PTPN3: variants seen among roughly 807,000 people sequenced by gnomAD.
The protein encoded by PTPN3 is protein tyrosine phosphatase non-receptor type 3.
A neutral mutation model predicts 132.7 loss-of-function variants in PTPN3; 96 were observed. The observed-to-expected ratio is 0.72, with a 90% CI of 0.61 to 0.86. PTPN3 has a LOEUF of 0.86. Ranked by LOEUF, PTPN3 falls within the 40% of genes least tolerant of loss-of-function variation. The probability of loss-of-function intolerance (pLI) is 0.00; values close to 1 mark genes in which losing one functional copy is unlikely to be tolerated. For synonymous variants in PTPN3, 398 were observed against 429.0 expected, an observed-to-expected ratio of 0.93 and a Z score of 0.89; for missense variants, 1,125 against 1,159.6, an observed-to-expected ratio of 0.97 and a Z score of 0.43.
intron 11 of PTPN3, 63 bp downstream of exon 11, chr9:109,428,558 C>T (rs573529838): frequency 6.5e-7 from 1 of 1,544,358 alleles, no homozygotes; most frequent in Admixed American, 1.8e-5. Context: ...ATAGCGAGAC[C>T]CTGTCTCTAA....
At chr9:109,409,861 A>AC in intron 16 of PTPN3, 138 bp downstream of exon 16, 1 of 1,388,838 alleles carries the variant, frequency 7.2e-7, no homozygotes. Flanking sequence ...AACAAAAAAA[A>AC]CCCCCAACTC....
intron 17 of PTPN3, 61 bp from the exon 18 acceptor site, chr9:109,406,679 C>G (rs561152516): frequency 1.3e-6 from 2 of 1,586,394 alleles, no homozygotes; most frequent in Non-Finnish European, 1.7e-6. Flanking sequence ...GGGGGAAGAA[C>G]GCTGACTCGC....
rs1838561149 is a variant in PTPN3, at chr9:109,376,369, C to A, written c.*3187G>T. ...AATGCTCATTTCTGAGGTACCCCCC[C>A]CAGAAAAAGGTCAGGTAGCAACACA... On this transcript the variant is annotated 3_prime_UTR_variant, in exon 26 of 26. Transcript: ENST00000374541. 1.3e-5 allele frequency: 2 copies of A among 152,084 alleles called. No individual in the cohort carries two copies. Among genetic ancestry groups the A allele is most frequent in the Admixed American group, 1.3e-4 (2 of 15,260 alleles). The allele number at this position is 152,084 out of a possible 1,614,324, so 9.4% of individuals were successfully genotyped here. A position where few individuals can be genotyped will look rare whatever the true frequency, so the allele number is the denominator to read the frequency against.
chr9:109,379,564 G>A lies in PTPN3; in HGVS notation c.2734C>T (p.Pro912Ser), dbSNP rs1276734659. The change falls in exon 26 of 26, where the codon CCT (proline) becomes TCT (serine). Residue 912 changes from proline (P) to serine (S), a missense_variant. Coordinates refer to ENST00000374541, the MANE Select transcript of PTPN3 (RefSeq NM_002829.4). ...YEEGLVQMLD[P>S]S ...ACTTTTTCACAGTTGTCTTAACTAG[G>A]ATCCAGCATTTGGACTAAACCTTCT... is the stretch of plus-strand genomic sequence containing the variant. 2 of 1,613,288 alleles carry A rather than the reference G, an allele frequency of 1.2e-6. No homozygotes were observed. The highest frequency in any genetic ancestry group is 2.2e-5 in the South Asian group (2 of 91,052).
Position 109,422,830 on chromosome 9 carries a change from T to C in PTPN3, c.1024A>G (p.Lys342Glu), listed in dbSNP as rs1266263961. Residue 342 changes from lysine (K) to glutamate (E), a missense_variant, in exon 13 of 26, where the codon AAA becomes GAA. Transcript: ENST00000374541. ...CACACCATCCCGCCAATCACCTTTTTGCAATATTGGTTATTTACCGACCTG... is the reference window on the plus strand; with the variant it reads ...CACACCATCCCGCCAATCACCTTTTCGCAATATTGGTTATTTACCGACCTG... ...TKKSVNNQYC[K>E]KVIGGMVWNP... The C allele has an allele frequency of 6.2e-7, 1 of 1,613,588 alleles. No individual in the cohort carries two copies. Among genetic ancestry groups the C allele is most frequent in the Non-Finnish European group, 8.5e-7 (1 of 1,179,498 alleles).
chr9:109,428,589 G>GA lies in PTPN3; in HGVS notation c.828+31dup, dbSNP rs577594494. On this transcript the variant is annotated intron_variant, in intron 11 of 25. Coordinates refer to ENST00000374541, the MANE Select transcript of PTPN3 (RefSeq NM_002829.4). Reference sequence around the variant, plus strand: ...TCTAACCACACACATACATATGCACGAAACAAAGCAAGCAAAGACATAACT... The same window carrying GA: ...TCTAACCACACACATACATATGCACGAAAACAAAGCAAGCAAAGACATAACT... 95 of 1,605,746 alleles carry GA rather than the reference G, an allele frequency of 5.9e-5. No individual in the cohort carries two copies. The Admixed American group carries it at 1.6e-3, about 26-fold the overall frequency.
rs774111449 is a variant in PTPN3, at chr9:109,420,520, A to T, written c.1217T>A (p.Ile406Asn). Residue 406 changes from isoleucine (I) to asparagine (N), a missense_variant, in exon 14 of 26, where the codon ATC becomes AAC. Physicochemically the swap from Ile to Asn is moderately radical, Grantham distance 149 (BLOSUM62 -3). Coordinates refer to ENST00000374541, the MANE Select transcript of PTPN3 (RefSeq NM_002829.4). The stretch of plus-strand genomic sequence containing the variant: ...GTAAAATACATCTTCCGTTTCCGTG[A>T]TGTAGGTCATTTCATTTGCAAGGTT... ...ADNLANEMTY[I>N]TETEDVFYTY... 1 of 1,613,468 alleles carries T rather than the reference A, an allele frequency of 6.2e-7. No homozygotes were observed. Among genetic ancestry groups the T allele is most frequent in the Non-Finnish European group, 8.5e-7 (1 of 1,179,904 alleles).
chr9:109,408,305 G>A lies in PTPN3; in HGVS notation c.1635+16C>T. ...ACAAACAAACACGAGGAATAACATG[G>A]AATGTATTTACTTACAGGTGACTCT... On this transcript the variant is annotated intron_variant, in intron 17 of 25. Coordinates refer to ENST00000374541, the MANE Select transcript of PTPN3 (RefSeq NM_002829.4). 6.5e-7 allele frequency: 1 copy of A among 1,531,524 alleles called. No homozygotes were observed. The highest frequency in any genetic ancestry group is 1.3e-5 in the South Asian group (1 of 79,356). The allele number at this position is 1,531,524 out of a possible 1,614,324, so 94.9% of individuals were successfully genotyped here.
At chr9:109,535,973 T>C in the PTPN3 span, among the ~76,000 whole-genome samples, 1 of 152,070 alleles carries the variant, frequency 6.6e-6, no homozygotes, top group Non-Finnish European at 1.5e-5. Context: ...TGCAGAGCAT[T>C]TTCACCACCC....
the PTPN3 span, among the ~76,000 whole-genome samples, chr9:109,531,851 G>A: frequency 2.3e-5 from 1 of 44,358 alleles, no homozygotes; most frequent in East Asian, 8.5e-4. Flanking sequence ...TGATTGACTT[G>A]GAGGTTAAAA....
intron 19 of PTPN3, among the ~76,000 whole-genome samples, chr9:109,396,583 T>G (rs1840616325): frequency 6.6e-6 from 1 of 152,168 alleles, no homozygotes; most frequent in Admixed American, 6.5e-5. Flanking sequence ...ATTATTAATT[T>G]TTATGTCCTA....
At chr9:109,419,641 C>T (rs1190322885) in intron 14 of PTPN3, among the ~76,000 whole-genome samples, 1 of 151,996 alleles carries the variant, frequency 6.6e-6, no homozygotes, top group Non-Finnish European at 1.5e-5. Context: ...ACCCATATAA[C>T]AAAGGCAAAT....
In PTPN3 at chr9:109,445,256, C is replaced by T. The variant is rs150667989; in HGVS notation, c.450G>A (p.Ala150=). ...TCPLNSAVVL[A]SYAVQSHFGD... ...GTGACTTACATTGTACGGCATAGGA[C>T]GCTAGAACCACTGCTGAGTTAAGAG... Residue 150 remains alanine, a synonymous_variant, in exon 7 of 26, where the codon GCG becomes GCA. Coordinates refer to ENST00000374541, the MANE Select transcript of PTPN3 (RefSeq NM_002829.4). 2.0e-4 allele frequency: 322 copies of T among 1,613,778 alleles called. 1 individual carries two copies. The highest frequency in any genetic ancestry group is 1.3e-3 in the African/African-American group (101 of 75,040).
intron 2 of PTPN3, among the ~76,000 whole-genome samples, chr9:109,461,228 T>A (rs1293664761): frequency 6.6e-6 from 1 of 152,144 alleles, no homozygotes; most frequent in Non-Finnish European, 1.5e-5. Context: ...AATCAGTGGT[T>A]CTCTAACTGC....
At chr9:109,533,492 C>A in the PTPN3 span, 1 of 1,595,650 alleles carries the variant, frequency 6.3e-7, no homozygotes, top group East Asian at 2.2e-5. Flanking sequence ...GCGGCGGTAC[C>A]GACGTTGAGG....
intron 1 of PTPN3, among the ~76,000 whole-genome samples, chr9:109,488,093 C>CTTT (rs766663409): frequency 1.9e-4 from 23 of 121,140 alleles, no homozygotes; most frequent in African/African-American, 3.1e-4. Context: ...GAGGGAAGTA[C>CTTT]TTTTTTTTTT....
chr9:109,452,701 C>G (rs900645861), intron 5 of PTPN3, among the ~76,000 whole-genome samples: 1 of 152,032 alleles, frequency 6.6e-6, no homozygotes, highest in Non-Finnish European at 1.5e-5. Flanking sequence ...GATGCTGACA[C>G]ATGCACCACC....
chr9:109,404,274 T>A (rs1447147460), intron 19 of PTPN3, among the ~76,000 whole-genome samples, 174 bp downstream of exon 19: 2 of 152,218 alleles, frequency 1.3e-5, no homozygotes, highest in Non-Finnish European at 2.9e-5. Context: ...AGCACAGGCC[T>A]CGCCCTGTCA....
the PTPN3 span, among the ~76,000 whole-genome samples, chr9:109,503,800 A>G: frequency 6.6e-6 from 1 of 152,216 alleles, no homozygotes; most frequent in Admixed American, 6.5e-5. Context: ...GTACAAGAGC[A>G]GTGATGAAGG....
Sources: allele counts gnomAD v4.1 joint callset (sites outside exome capture counted in the v4.1 genomes callset), GRCh38; gene constraint gnomAD v4.1.1; transcripts MANE v1.5; gene names NCBI Gene and HGNC (gene_info 2026-07-23, HGNC 2026-07-21).